TAF1D: variants seen among roughly 807,000 people sequenced by gnomAD.
TAF1D encodes TATA box-binding protein-associated factor RNA polymerase I subunit D.
A neutral mutation model predicts 26.2 loss-of-function variants in TAF1D; 23 were observed. The observed-to-expected ratio is 0.88, with a 90% CI of 0.63 to 1.25. The LOEUF (loss-of-function observed/expected upper bound fraction) is 1.25. TAF1D is among the 50% of genes most tolerant of loss of function. The pLI is 0.00. For synonymous variants in TAF1D, 100 were observed against 105.6 expected (o/e 0.95, Z 0.33); for missense variants, 299 against 322.0 (o/e 0.93, Z 0.55).
chr11:93,740,679 A>G (rs917846148), intron 1 of TAF1D, among the ~76,000 whole-genome samples: 1 of 152,130 alleles, frequency 6.6e-6, no homozygotes, highest in African/African-American at 2.4e-5. Context: ...TCCTGGTACA[A>G]GGTCTTACTA....
chr11:93,733,405 A>G (rs759849849), downstream of TAF1D: 4 of 518,748 alleles, frequency 7.7e-6, no homozygotes, highest in Non-Finnish European at 1.2e-5. Context: ...TACCTAAGGT[A>G]AAAAAGTAGA....
chr11:93,735,889 T>C lies in TAF1D; in HGVS notation c.*272A>G. ...ATTGTTTCAATACTCACAGGACACC[T>C]GTAAGCTCTTATTCAGAAATCAAAT... On this transcript the variant is annotated 3_prime_UTR_variant, in exon 6 of 6. Transcript: ENST00000448108. 2 of 1,207,578 alleles carry C rather than the reference T, an allele frequency of 1.7e-6. No homozygotes were observed. Among genetic ancestry groups the C allele is most frequent in the Non-Finnish European group, 2.1e-6 (2 of 969,280 alleles). 74.8% of individuals were successfully genotyped at this position (1,207,578 alleles called of 1,614,324 possible).
At position 93,736,762 on chromosome 11, in the gene TAF1D, A is replaced by G. The variant is rs1476075237; in HGVS notation, c.636-11T>C. The G allele has an allele frequency of 6.2e-7, 1 of 1,604,296 alleles. No individual in the cohort carries two copies. The highest frequency in any genetic ancestry group is 2.2e-5 in the East Asian group (1 of 44,462). ...TCCTCATCCTCTGCTCTGTAATATT[A>G]AAATTTATCATCGAGATGACAGAAT... On this transcript the variant is annotated splice_polypyrimidine_tract_variant and intron_variant, in intron 4 of 5. Transcript: ENST00000448108.
chr11:93,737,011 T>C (rs1940939031), intron 4 of TAF1D, 53 bp downstream of exon 4: 3 of 1,427,746 alleles, frequency 2.1e-6, no homozygotes, highest in Non-Finnish European at 2.8e-6. Flanking sequence ...GCAATTAACA[T>C]AGAAATTTAA....
chr11:93,740,657 CCT>C (rs965398130), intron 1 of TAF1D, among the ~76,000 whole-genome samples: 1 of 151,776 alleles, frequency 6.6e-6, no homozygotes, highest in Admixed American at 6.6e-5. Flanking sequence ...TTAAATGCCC[CCT>C]GTGGTATTTT....
intron 1 of TAF1D, among the ~76,000 whole-genome samples, chr11:93,739,771 A>T (rs1941427704): frequency 6.6e-6 from 1 of 151,996 alleles, no homozygotes; most frequent in Non-Finnish European, 1.5e-5. Flanking sequence ...ACCATTTTAA[A>T]CTCCTAATCA....
rs202106140 is a variant in TAF1D at position 93,736,511 on chromosome 11, G to C, written c.693+183C>G. On this transcript the variant is annotated intron_variant, in intron 5 of 5. Transcript: ENST00000448108. ...AATGCTACTTATTAAAAATAGTACT[G>C]AAAACCCCATGTTCTTTATCAAGTC... 5 of 1,422,720 alleles carry C rather than the reference G, an allele frequency of 3.5e-6. No homozygotes were observed. The East Asian group carries it at 1.3e-4, about 38-fold the overall frequency. 88.1% of individuals were successfully genotyped at this position (1,422,720 alleles called of 1,614,324 possible).
intron 1 of TAF1D, among the ~76,000 whole-genome samples, chr11:93,739,777 A>T (rs530485930): frequency 6.6e-6 from 1 of 152,174 alleles, no homozygotes; most frequent in African/African-American, 2.4e-5. Flanking sequence ...TTAAACTCCT[A>T]ATCACCTCTC....
At chr11:93,736,586 C>T in intron 5 of TAF1D, 108 bp downstream of exon 5, 5 of 1,480,112 alleles carry the variant, frequency 3.4e-6, no homozygotes, top group Non-Finnish European at 3.6e-6. Context: ...ACTTATAGAG[C>T]TTTTCAAAAG....
At chr11:93,735,347 T>A (rs57963899), downstream of TAF1D, 1,132 of 1,124,244 alleles carry the variant, frequency 1.0e-3, 13 homozygotes, top group African/African-American at 0.017. Context: ...AATAAATGTG[T>A]ATGCCTTTTC....
At chr11:93,736,607 T>G (rs1360567309) in intron 5 of TAF1D, 87 bp downstream of exon 5, 1 of 1,537,508 alleles carries the variant, frequency 6.5e-7, no homozygotes, top group Non-Finnish European at 8.7e-7. Flanking sequence ...TTAAATGAAG[T>G]GTAAGAGAAA....
rs375758700 is a variant in TAF1D at position 93,739,352 on chromosome 11, A to C, written c.-27-21T>G. On this transcript the variant is annotated intron_variant, in intron 1 of 5. Transcript: ENST00000448108. The stretch of plus-strand genomic sequence containing the variant: ...GTTTTCTGAAATTATGAAATTTAGT[A>C]AATATGACAAAGCTTCCCTAAATAT... 1.8e-5 allele frequency: 28 copies of C among 1,535,322 alleles called. No individual in the cohort carries two copies. The African/African-American group carries it at 3.7e-4, about 20-fold the overall frequency.
At chr11:93,734,271 C>T (rs1940166811), downstream of TAF1D, 1 of 176,244 alleles carries the variant, frequency 5.7e-6, no homozygotes. Flanking sequence ...ATTCTTATGA[C>T]CTGTGTAATC....
chr11:93,736,585 G>A, intron 5 of TAF1D, 109 bp downstream of exon 5: 2 of 1,478,516 alleles, frequency 1.4e-6, no homozygotes, highest in Non-Finnish European at 1.8e-6. Context: ...AACTTATAGA[G>A]CTTTTCAAAA....
downstream of TAF1D, chr11:93,731,882 C>T (rs1210048935): frequency 3.2e-5 from 12 of 372,658 alleles, no homozygotes; most frequent in East Asian, 8.6e-4. Flanking sequence ...TACAATGTTT[C>T]AGTCAATATA....
rs1941093441 is a variant in TAF1D at position 93,737,749 on chromosome 11, G to T, written c.459+360C>A. 4.6e-5 allele frequency among the ~76,000 whole-genome samples: 7 copies of T among 152,264 alleles called. No individual in the cohort carries two copies. The South Asian group carries it at 1.5e-3, about 32-fold the overall frequency. On this transcript the variant is annotated intron_variant, in intron 3 of 5. Transcript: ENST00000448108. ...TAAGAATATATCCACTGAACATAAG[G>T]CATGTGTGGTTTTAGTTTAGGTTAC...
At chr11:93,734,990 C>T, downstream of TAF1D, 1 of 1,194,308 alleles carries the variant, frequency 8.4e-7, no homozygotes, top group African/African-American at 1.6e-5. Flanking sequence ...TCTTGAACTC[C>T]TGGTTTCAAG....
At chr11:93,735,006 C>T (rs1940396516), downstream of TAF1D, 4 of 1,210,842 alleles carry the variant, frequency 3.3e-6, no homozygotes, top group South Asian at 5.9e-5. Flanking sequence ...TCAAGCAATA[C>T]TCCCACCTTG....
intron 1 of TAF1D, among the ~76,000 whole-genome samples, chr11:93,739,951 T>C (rs1591298147): frequency 1.5e-5 from 1 of 66,186 alleles, no homozygotes; most frequent in Non-Finnish European, 2.7e-5. Context: ...GTAGAGAGTA[T>C]ACAACATACC....
Sources: gnomAD v4.1 joint callset for allele counts (sites outside exome capture counted in the v4.1 genomes callset) on GRCh38, gnomAD v4.1.1 for gene constraint, MANE v1.5 for transcripts, NCBI Gene and HGNC (gene_info 2026-07-23, HGNC 2026-07-21) for gene names.